Variants in SMYD3 observed in about 807,000 individuals in gnomAD.
SMYD3 encodes histone-lysine N-methyltransferase SMYD3.
SMYD3 carries 36 observed loss-of-function variants against 57.7 expected under a neutral mutation model. That is an observed-to-expected ratio of 0.62 (90% CI 0.48 to 0.82). The LOEUF is 0.82. SMYD3 is among the 40% of genes least tolerant of loss of function. The pLI is 0.00. For missense variants in SMYD3, 515 were observed against 538.8 expected (o/e 0.96, Z 0.44); for synonymous variants, 211 against 195.0 (o/e 1.08, Z -0.68).
intron 10 of SMYD3, among the ~76,000 whole-genome samples, chr1:245,857,750 C>T (rs1572525879): frequency 1.3e-5 from 2 of 152,162 alleles, no homozygotes; most frequent in African/African-American, 2.4e-5. Flanking sequence ...GGCTGCTCTC[C>T]GTCTCACCTT....
Position 245,921,572 on chromosome 1 carries a change from C to CACAT in SMYD3, c.703-5936_703-5933dup, listed in dbSNP as rs992505639. ...GTGTATATATATATATATATATATA[C>CACAT]ACATACCATGGAATAGTATGCAGCC... On this transcript the variant is annotated intron_variant, in intron 7 of 11. Transcript: ENST00000490107. Among the ~76,000 whole-genome samples, 387 of 139,788 alleles carry CACAT rather than the reference C, an allele frequency of 2.8e-3. 6 individuals are homozygous for CACAT. The highest frequency in any genetic ancestry group is 0.01 in the African/African-American group (368 of 36,664). 91.7% of individuals were successfully genotyped at this position (139,788 alleles called of 152,430 possible). A position where few individuals can be genotyped will look rare whatever the true frequency, so the allele number is the denominator to read the frequency against.
chr1:245,777,559 G>A (rs1179853793), intron 10 of SMYD3, among the ~76,000 whole-genome samples: 2 of 152,106 alleles, frequency 1.3e-5, no homozygotes, highest in Admixed American at 1.3e-4. Flanking sequence ...CTGGGAAATT[G>A]CATGTACACA....
At chr1:246,268,346 T>C (rs1057293678) in intron 5 of SMYD3, among the ~76,000 whole-genome samples, 5 of 152,118 alleles carry the variant, frequency 3.3e-5, no homozygotes, top group Admixed American at 2.6e-4. Flanking sequence ...ATCAGGAAGT[T>C]ACCCTATATG....
chr1:246,115,157 G>A (rs1184514967), intron 5 of SMYD3, among the ~76,000 whole-genome samples: 1 of 111,858 alleles, frequency 8.9e-6, no homozygotes, highest in Non-Finnish European at 1.7e-5. Flanking sequence ...CAAATCTGCA[G>A]AAGGTCAGCC....
chr1:245,817,601 G>A (rs1323692489), intron 10 of SMYD3, among the ~76,000 whole-genome samples: 2 of 152,018 alleles, frequency 1.3e-5, no homozygotes, highest in Non-Finnish European at 2.9e-5. Flanking sequence ...ATTACTCTGA[G>A]CTATGGGAGG....
rs1553337078 is a variant in SMYD3, at chr1:245,833,073, A to ACAAAAAAAAAAAAAAAAACACAAC, written c.1076+25422_1076+25423insGTTGTGTTTTTTTTTTTTTTTTTG. Among the ~76,000 whole-genome samples the ACAAAAAAAAAAAAAAAAACACAAC allele has an allele frequency of 7.4e-4, 95 of 128,646 alleles. 1 individual carries two copies. Among genetic ancestry groups the ACAAAAAAAAAAAAAAAAACACAAC allele is most frequent in the Non-Finnish European group, 1.3e-3 (81 of 63,222 alleles). 84.4% of individuals were successfully genotyped at this position (128,646 alleles called of 152,430 possible). ...GGAATATGTGACAAAAAAAAAAAAA[A>ACAAAAAAAAAAAAAAAAACACAAC]AACCTGCTTTTATAATGCTGATTCA... On this transcript the variant is annotated intron_variant, in intron 10 of 11. Transcript: ENST00000490107.
intron 5 of SMYD3, among the ~76,000 whole-genome samples, chr1:246,221,149 C>G (rs563075498): frequency 6.6e-6 from 1 of 152,208 alleles, no homozygotes; most frequent in African/African-American, 2.4e-5. Context: ...AGAGAAGCTA[C>G]CCTCTCTGCT....
intron 5 of SMYD3, among the ~76,000 whole-genome samples, chr1:246,114,821 G>A (rs566448145): frequency 3.3e-5 from 5 of 152,198 alleles, no homozygotes; most frequent in Admixed American, 6.5e-5. Flanking sequence ...TAGTAGAGAC[G>A]GGGTTTCACC....
chr1:245,907,399 C>T (rs970780533), intron 8 of SMYD3, among the ~76,000 whole-genome samples: 3 of 152,060 alleles, frequency 2.0e-5, no homozygotes, highest in African/African-American at 7.2e-5. Context: ...CAGAGAAAAC[C>T]TATTTAACGA....
chr1:245,800,786 C>T (rs1346722836), intron 10 of SMYD3, among the ~76,000 whole-genome samples: 2 of 152,174 alleles, frequency 1.3e-5, no homozygotes, highest in Admixed American at 6.5e-5. Context: ...TGTCACAGGG[C>T]CCCAGGAACT....
chr1:246,219,949 T>A (rs2148418546), intron 5 of SMYD3, among the ~76,000 whole-genome samples: 1 of 152,240 alleles, frequency 6.6e-6, no homozygotes, highest in Non-Finnish European at 1.5e-5. Context: ...TGTTGACTCA[T>A]GCACTCCCTC....
chr1:245,842,002 C>G (rs533936301), intron 10 of SMYD3, among the ~76,000 whole-genome samples: 3 of 152,278 alleles, frequency 2.0e-5, no homozygotes, highest in African/African-American at 7.2e-5. Flanking sequence ...CAAATACCTG[C>G]CACTGTGTTA....
intron 1 of SMYD3, among the ~76,000 whole-genome samples, chr1:246,496,072 C>G (rs770987490): frequency 5.3e-5 from 8 of 151,896 alleles, no homozygotes; most frequent in Non-Finnish European, 1.0e-4. Context: ...GAGTCTCACT[C>G]TGTCGCCAGG....
chr1:245,759,594 G>A (rs2045756781), intron 11 of SMYD3, among the ~76,000 whole-genome samples: 1 of 152,218 alleles, frequency 6.6e-6, no homozygotes, highest in African/African-American at 2.4e-5. Flanking sequence ...ATCAGCCATT[G>A]CTGGGGCTGA....
intron 1 of SMYD3, among the ~76,000 whole-genome samples, chr1:246,361,033 T>A (rs1023519130): frequency 2.0e-5 from 3 of 151,802 alleles, no homozygotes; most frequent in Admixed American, 6.6e-5. Flanking sequence ...TGGGAGAAAA[T>A]CTTCACAATC....
At chr1:245,883,700 C>T (rs925468808) in intron 8 of SMYD3, among the ~76,000 whole-genome samples, 1 of 152,146 alleles carries the variant, frequency 6.6e-6, no homozygotes, top group Non-Finnish European at 1.5e-5. Context: ...CATGAAAGGT[C>T]CATGGACCTG....
At chr1:246,504,400 C>G in intron 1 of SMYD3, among the ~76,000 whole-genome samples, 1 of 152,068 alleles carries the variant, frequency 6.6e-6, no homozygotes, top group Admixed American at 6.5e-5. Context: ...AAACCTGCAC[C>G]GCGTGTTACT....
At chr1:246,280,800 T>A (rs1214847983) in intron 5 of SMYD3, among the ~76,000 whole-genome samples, 1 of 152,186 alleles carries the variant, frequency 6.6e-6, no homozygotes, top group Non-Finnish European at 1.5e-5. Flanking sequence ...TCTGCATTTA[T>A]CAGATGCTTC....
intron 11 of SMYD3, among the ~76,000 whole-genome samples, chr1:245,751,542 AAGAG>A (rs1265115060): frequency 1.5e-5 from 2 of 129,520 alleles, no homozygotes; most frequent in East Asian, 2.2e-4. Context: ...AAGAGAGAGA[AAGAG>A]AGAGAGAGAC....
Sources: allele counts gnomAD v4.1 joint callset (sites outside exome capture counted in the v4.1 genomes callset), GRCh38; gene constraint gnomAD v4.1.1; transcripts MANE v1.5; gene names NCBI Gene and HGNC (gene_info 2026-07-23, HGNC 2026-07-21).